The following MALRD1 variants were observed in gnomAD, a reference collection of about 807,000 sequenced individuals.
MALRD1 encodes the protein MAM and LDL receptor class A domain containing 1, also known as MAM and LDL-receptor class A domain-containing protein 1.
Under a neutral mutation model 242.1 loss-of-function variants are expected in MALRD1, and 247 were observed. The ratio of observed to expected loss-of-function variants is 1.02; its 90% CI spans 0.92 to 1.13. MALRD1 has a LOEUF of 1.13. Ranked by LOEUF, MALRD1 falls within the 50% of genes most tolerant of loss-of-function variation. MALRD1 has a pLI of 0.00. For missense variants in MALRD1, 2,989 were observed against 2,533.1 expected (o/e 1.18, Z -3.86); for synonymous variants, 995 against 866.6 (o/e 1.15, Z -2.60).
At chr10:19,160,161 G>A (rs1287412913) in intron 12 of MALRD1, among the ~76,000 whole-genome samples, 1 of 152,148 alleles carries the variant, frequency 6.6e-6, no homozygotes, top group South Asian at 2.1e-4. Flanking sequence ...AAGCAGGCAT[G>A]CGTCAAGAAA....
chr10:19,333,515 T>A (rs1366580350), intron 24 of MALRD1, among the ~76,000 whole-genome samples: 1 of 152,180 alleles, frequency 6.6e-6, no homozygotes, highest in Non-Finnish European at 1.5e-5. Context: ...CCGTGGTGTA[T>A]ATGTAACAGA....
chr10:19,423,075 T>A (rs7912880), intron 28 of MALRD1, among the ~76,000 whole-genome samples: 33,208 of 152,074 alleles, frequency 0.22, 6,005 homozygotes, highest in African/African-American at 0.51. Context: ...GAATTGAAAG[T>A]CTGATATTAA....
At chr10:19,107,375 A>G (rs377348072) in intron 5 of MALRD1, among the ~76,000 whole-genome samples, 1 of 151,942 alleles carries the variant, frequency 6.6e-6, no homozygotes, top group Admixed American at 6.5e-5. Flanking sequence ...TTATCATTAT[A>G]TTACAACCAT....
At chr10:19,268,200 T>C (rs1385181457) in intron 19 of MALRD1, among the ~76,000 whole-genome samples, 1 of 151,986 alleles carries the variant, frequency 6.6e-6, no homozygotes, top group African/African-American at 2.4e-5. Context: ...GAATCTTTGT[T>C]ATAAAGCAAA....
intron 26 of MALRD1, among the ~76,000 whole-genome samples, chr10:19,353,804 T>C (rs931861324): frequency 3.9e-5 from 6 of 152,184 alleles, no homozygotes; most frequent in Non-Finnish European, 7.3e-5. Flanking sequence ...GAGTAATTAT[T>C]TGATCGTAAT....
intron 7 of MALRD1, among the ~76,000 whole-genome samples, 166 bp from the exon 8 acceptor site, chr10:19,128,055 C>T (rs886959032): frequency 6.6e-6 from 1 of 151,850 alleles, no homozygotes; most frequent in Non-Finnish European, 1.5e-5. Flanking sequence ...AAAATGAAAA[C>T]CTGTTATTTG....
At chr10:19,118,775 A>C (rs890857783) in intron 5 of MALRD1, among the ~76,000 whole-genome samples, 11 of 152,164 alleles carry the variant, frequency 7.2e-5, no homozygotes, top group African/African-American at 2.4e-4. Flanking sequence ...GTCCATTCAG[A>C]TGGTTGGGGC....
chr10:19,569,532 C>T (rs943872878), intron 33 of MALRD1, among the ~76,000 whole-genome samples: 2 of 151,208 alleles, frequency 1.3e-5, no homozygotes, highest in Non-Finnish European at 3.0e-5. Flanking sequence ...CATTTGCTTT[C>T]TCAACTTCTT....
intron 36 of MALRD1, among the ~76,000 whole-genome samples, chr10:19,676,576 A>C (rs1049813461): frequency 3.3e-5 from 5 of 152,162 alleles, no homozygotes; most frequent in Non-Finnish European, 7.4e-5. Context: ...TGTTCTCCCC[A>C]TTATCTTGAA....
chr10:19,331,318 G>C, intron 23 of MALRD1, 51 bp from the exon 24 acceptor site: 1 of 1,415,070 alleles, frequency 7.1e-7, no homozygotes, highest in East Asian at 2.5e-5. Context: ...GTTTGCCCAG[G>C]TTTTGAACTT....
At chr10:19,633,667 A>G (rs968553451) in intron 36 of MALRD1, 2 of 152,066 alleles carry the variant, frequency 1.3e-5, no homozygotes, top group African/African-American at 4.8e-5. Flanking sequence ...AAAAACACTT[A>G]CAGATTTTTT....
chr10:19,579,805 G>A (rs1837017028), intron 33 of MALRD1, among the ~76,000 whole-genome samples: 1 of 152,172 alleles, frequency 6.6e-6, no homozygotes, highest in African/African-American at 2.4e-5. Context: ...ATGTGTGCTG[G>A]AAGAAATGTG....
chr10:19,068,781 G>T (rs1835055809), intron 2 of MALRD1, among the ~76,000 whole-genome samples: 1 of 151,978 alleles, frequency 6.6e-6, no homozygotes, highest in Non-Finnish European at 1.5e-5. Flanking sequence ...CCAAATTTTT[G>T]ATTAACTTAC....
intron 2 of MALRD1, among the ~76,000 whole-genome samples, chr10:19,073,069 C>T (rs1590390295): frequency 7.1e-6 from 1 of 140,942 alleles, no homozygotes; most frequent in South Asian, 2.1e-4. Context: ...CATGTGCCAC[C>T]ATGCCCGGCT....
At chr10:19,617,199 C>T (rs920612726) in intron 36 of MALRD1, among the ~76,000 whole-genome samples, 1 of 151,862 alleles carries the variant, frequency 6.6e-6, no homozygotes. Context: ...GCAACACTCT[C>T]GTAGTCTTAA....
intron 18 of MALRD1, among the ~76,000 whole-genome samples, chr10:19,242,298 C>A (rs1838827051): frequency 2.0e-5 from 3 of 152,106 alleles, no homozygotes. Flanking sequence ...GGGGAAACCG[C>A]CCCCATGATT....
At chr10:19,571,043 A>C (rs1225167962) in intron 33 of MALRD1, among the ~76,000 whole-genome samples, 3 of 152,080 alleles carry the variant, frequency 2.0e-5, no homozygotes, top group Non-Finnish European at 4.4e-5. Flanking sequence ...AGATGGATTT[A>C]TTTCTATTAC....
chr10:19,278,008 G>T (rs988183137), intron 19 of MALRD1, among the ~76,000 whole-genome samples: 1 of 152,104 alleles, frequency 6.6e-6, no homozygotes, highest in Non-Finnish European at 1.5e-5. Context: ...AGTGCATCTT[G>T]AAATAGACAT....
intron 25 of MALRD1, among the ~76,000 whole-genome samples, chr10:19,350,465 CAG>C (rs376595291): frequency 8.6e-4 from 130 of 151,814 alleles, no homozygotes; most frequent in African/African-American, 3.1e-3. Context: ...TTAGTAAAGA[CAG>C]GGTTTCACCA....
Sources: gnomAD v4.1 joint callset for allele counts (sites outside exome capture counted in the v4.1 genomes callset) on GRCh38, gnomAD v4.1.1 for gene constraint, MANE v1.5 for transcripts, NCBI Gene and HGNC (gene_info 2026-07-23, HGNC 2026-07-21) for gene names.